The following PRKCA variants were observed in gnomAD, a reference collection of about 807,000 sequenced individuals.
PRKCA encodes protein kinase C alpha type.
PRKCA carries 27 observed loss-of-function variants against 87.0 expected under a neutral mutation model. The ratio of observed to expected loss-of-function variants is 0.31; its 90% CI spans 0.23 to 0.43. The LOEUF (loss-of-function observed/expected upper bound fraction) is 0.43, where lower values mean the gene tolerates loss of function less well. Ranked by LOEUF, PRKCA falls within the 20% of genes least tolerant of loss-of-function variation. PRKCA has a pLI of 1.00. For synonymous variants in PRKCA, 329 were observed against 311.1 expected, an observed-to-expected ratio of 1.06 and a Z score of -0.61; for missense variants, 518 against 852.3, an observed-to-expected ratio of 0.61 and a Z score of 4.88.
At chr17:66,571,242 CG>C (rs1969070844) in intron 3 of PRKCA, among the ~76,000 whole-genome samples, 1 of 152,036 alleles carries the variant, frequency 6.6e-6, no homozygotes, top group African/African-American at 2.4e-5. Context: ...TGTGGCATTG[CG>C]TGTACTTATT....
chr17:66,317,098 C>T (rs564253839), intron 2 of PRKCA, among the ~76,000 whole-genome samples: 15 of 150,990 alleles, frequency 9.9e-5, no homozygotes, highest in South Asian at 8.4e-4. Flanking sequence ...GCGGAGATCA[C>T]GCCACTGCAC....
chr17:66,798,420 T>C (rs1975731427), intron 16 of PRKCA, among the ~76,000 whole-genome samples: 4 of 127,024 alleles, frequency 3.1e-5, no homozygotes, highest in East Asian at 2.5e-4. Flanking sequence ...GTGATGGTGG[T>C]GGTGGTGGTG....
chr17:66,498,034 T>A (rs1916556285), intron 3 of PRKCA, among the ~76,000 whole-genome samples: 1 of 152,116 alleles, frequency 6.6e-6, no homozygotes. Flanking sequence ...CACCTTGTTT[T>A]ATAACTTCAT....
At chr17:66,629,157 G>T (rs1183747302) in intron 3 of PRKCA, among the ~76,000 whole-genome samples, 2 of 152,206 alleles carry the variant, frequency 1.3e-5, no homozygotes, top group Non-Finnish European at 2.9e-5. Flanking sequence ...CAGTCCTGCC[G>T]ATTTGGACTT....
chr17:66,749,662 G>A (rs536100272), intron 13 of PRKCA, among the ~76,000 whole-genome samples: 17 of 152,324 alleles, frequency 1.1e-4, no homozygotes, highest in African/African-American at 9.6e-5. Context: ...GTCTGGAGCC[G>A]TGCCTGGCAC....
intron 3 of PRKCA, among the ~76,000 whole-genome samples, chr17:66,584,713 C>CA (rs1969540646): frequency 1.3e-5 from 2 of 152,244 alleles, no homozygotes; most frequent in South Asian, 4.1e-4. Context: ...CATTCTCTGC[C>CA]AATGTCTTCA....
At chr17:66,577,300 CCT>C (rs1369898377) in intron 3 of PRKCA, among the ~76,000 whole-genome samples, 5 of 152,150 alleles carry the variant, frequency 3.3e-5, no homozygotes, top group African/African-American at 1.2e-4. Context: ...TCTTTGCATC[CCT>C]CTCTCACATT....
At chr17:66,706,884 A>G (rs974683651) in intron 8 of PRKCA, among the ~76,000 whole-genome samples, 3 of 152,184 alleles carry the variant, frequency 2.0e-5, no homozygotes, top group Non-Finnish European at 4.4e-5. Context: ...GGTCCTTTAC[A>G]TAAAAAGTTT....
chr17:66,394,416 C>T (rs569414635), intron 2 of PRKCA, among the ~76,000 whole-genome samples: 1 of 152,296 alleles, frequency 6.6e-6, no homozygotes, highest in South Asian at 2.1e-4. Context: ...GGAGCTGGCT[C>T]ACTGGGGGAT....
chr17:66,303,954 C>T (rs1174893866), intron 1 of PRKCA, among the ~76,000 whole-genome samples: 1 of 152,116 alleles, frequency 6.6e-6, no homozygotes, highest in Non-Finnish European at 1.5e-5. Context: ...GAGCCGAGAT[C>T]GGGCCACTGC....
At chr17:66,671,897 C>A (rs1972197044) in intron 5 of PRKCA, among the ~76,000 whole-genome samples, 1 of 152,086 alleles carries the variant, frequency 6.6e-6, no homozygotes, top group Non-Finnish European at 1.5e-5. Context: ...GCCACACAGA[C>A]CAATGGGAAA....
At chr17:66,647,480 TA>T (rs1971484577) in intron 5 of PRKCA, among the ~76,000 whole-genome samples, 1 of 152,200 alleles carries the variant, frequency 6.6e-6, no homozygotes, top group Non-Finnish European at 1.5e-5. Context: ...TGTTTCTAGA[TA>T]AAGCAAAACA....
At chr17:66,713,346 G>A (rs1307652422) in intron 8 of PRKCA, among the ~76,000 whole-genome samples, 1 of 151,974 alleles carries the variant, frequency 6.6e-6, no homozygotes, top group Non-Finnish European at 1.5e-5. Context: ...CACCGCATCC[G>A]ACCTCATTGT....
intron 5 of PRKCA, among the ~76,000 whole-genome samples, chr17:66,673,835 T>G (rs549700999): frequency 4.6e-5 from 7 of 152,348 alleles, no homozygotes; most frequent in African/African-American, 1.7e-4. Flanking sequence ...TCTGACCCAT[T>G]TTTCCTGTAA....
intron 2 of PRKCA, among the ~76,000 whole-genome samples, chr17:66,403,237 AAAGCTAAG>A (rs1911143622): frequency 6.6e-6 from 1 of 152,222 alleles, no homozygotes; most frequent in African/African-American, 2.4e-5. Context: ...ACATGTTTTA[AAAGCTAAG>A]AAGCTCCTAT....
At chr17:66,436,420 C>T (rs1913398060) in intron 2 of PRKCA, among the ~76,000 whole-genome samples, 1 of 152,162 alleles carries the variant, frequency 6.6e-6, no homozygotes, top group Non-Finnish European at 1.5e-5. Flanking sequence ...ATAGCACCTA[C>T]CTCAGAAGGT....
chr17:66,511,478 C>T (rs913570363), intron 3 of PRKCA, among the ~76,000 whole-genome samples: 3 of 152,078 alleles, frequency 2.0e-5, no homozygotes, highest in Admixed American at 6.6e-5. Flanking sequence ...GGTAATTCAT[C>T]GTAATCGTTG....
rs144708012 is a variant in PRKCA at position 66,607,514 on chromosome 17, T to C, written c.289-33841T>C. ...TTTTAAAGTTATTGTTTTGGTCCAG[T>C]TTAGAAAATACCACCTCATTTTCTC... On this transcript the variant is annotated intron_variant, in intron 3 of 16. Coordinates refer to ENST00000413366, the MANE Select transcript of PRKCA (RefSeq NM_002737.3). Among the ~76,000 whole-genome samples the C allele has an allele frequency of 5.7e-3, 869 of 152,366 alleles. 10 individuals carry two copies. Among genetic ancestry groups the C allele is most frequent in the African/African-American group, 0.017 (723 of 41,588 alleles).
chr17:66,366,000 G>T (rs1908695482), intron 2 of PRKCA, among the ~76,000 whole-genome samples: 1 of 152,126 alleles, frequency 6.6e-6, no homozygotes, highest in African/African-American at 2.4e-5. Flanking sequence ...TGTATTAGGT[G>T]TCCATCTCGT....
Sources: allele counts gnomAD v4.1 joint callset (sites outside exome capture counted in the v4.1 genomes callset), GRCh38; gene constraint gnomAD v4.1.1; transcripts MANE v1.5; gene names NCBI Gene and HGNC (gene_info 2026-07-23, HGNC 2026-07-21).